The following NAALADL2 variants were observed in gnomAD, a reference collection of about 807,000 sequenced individuals.
NAALADL2 encodes the protein N-acetylated alpha-linked acidic dipeptidase like 2.
NAALADL2 carries 76 observed loss-of-function variants against 87.2 expected under a neutral mutation model. The ratio of observed to expected loss-of-function variants is 0.87; its 90% CI spans 0.72 to 1.05. The LOEUF (loss-of-function observed/expected upper bound fraction) is 1.05, where lower values mean the gene tolerates loss of function less well. NAALADL2 is among the 50% of genes least tolerant of loss of function. The pLI, the probability that NAALADL2 is intolerant of heterozygous loss-of-function variation, is 0.00. For missense variants in NAALADL2, 1,089 were observed against 945.8 expected, an observed-to-expected ratio of 1.15 and a Z score of -1.99; for synonymous variants, 354 against 331.0, an observed-to-expected ratio of 1.07 and a Z score of -0.75.
At chr3:175,699,064 T>G (rs1379631840) in intron 11 of NAALADL2, among the ~76,000 whole-genome samples, 1 of 151,912 alleles carries the variant, frequency 6.6e-6, no homozygotes, top group African/African-American at 2.4e-5. Context: ...TACTTTTCCT[T>G]TACATATTTA....
At chr3:175,290,429 T>C (rs1755511546) in intron 4 of NAALADL2, among the ~76,000 whole-genome samples, 1 of 152,110 alleles carries the variant, frequency 6.6e-6, no homozygotes, top group Non-Finnish European at 1.5e-5. Context: ...AGATCAGTGG[T>C]TTCCTACAAT....
rs531123195 is a variant in NAALADL2, at chr3:175,063,068, G to GT, written c.44-33716dup. ...ATTTTTATAAAATGGAGCTGGCTATGTTTTTTGTTGGTGAAAACAATGTAA... is the reference window on the plus strand; with the variant it reads ...ATTTTTATAAAATGGAGCTGGCTATGTTTTTTTGTTGGTGAAAACAATGTAA... On this transcript the variant is annotated intron_variant, in intron 1 of 13. Coordinates refer to ENST00000454872, the MANE Select transcript of NAALADL2 (RefSeq NM_207015.3). Among the ~76,000 whole-genome samples, 129 of 152,138 alleles carry GT rather than the reference G, an allele frequency of 8.5e-4. 1 individual carries two copies. Among genetic ancestry groups the GT allele is most frequent in the African/African-American group, 2.7e-3 (114 of 41,532 alleles).
At chr3:175,789,204 C>A (rs2108278717) in intron 13 of NAALADL2, among the ~76,000 whole-genome samples, 1 of 152,200 alleles carries the variant, frequency 6.6e-6, no homozygotes, top group Admixed American at 6.5e-5. Flanking sequence ...GCAGTAGGTG[C>A]CTAATAAATA....
chr3:175,258,104 T>G (rs568994101), intron 4 of NAALADL2, among the ~76,000 whole-genome samples: 1 of 151,864 alleles, frequency 6.6e-6, no homozygotes, highest in Non-Finnish European at 1.5e-5. Context: ...GTCAGGAGAT[T>G]GAGACCATCT....
At chr3:175,193,194 G>T (rs764117892) in intron 2 of NAALADL2, among the ~76,000 whole-genome samples, 1 of 151,480 alleles carries the variant, frequency 6.6e-6, no homozygotes, top group Non-Finnish European at 1.5e-5. Context: ...ATAGATTCCA[G>T]ATCTACCACT....
chr3:174,566,308 A>T (rs1714256243), intron 2 of NAALADL2, among the ~76,000 whole-genome samples: 1 of 151,824 alleles, frequency 6.6e-6, no homozygotes, highest in Non-Finnish European at 1.5e-5. Context: ...TTCAGACACA[A>T]TTTTTCAGCA....
At chr3:175,416,474 A>C (rs1714660277) in intron 5 of NAALADL2, among the ~76,000 whole-genome samples, 1 of 152,150 alleles carries the variant, frequency 6.6e-6, no homozygotes, top group African/African-American at 2.4e-5. Context: ...GAAACAGAAC[A>C]GTTTTGTTTT....
chr3:174,998,964 C>T (rs2108753428), intron 1 of NAALADL2, among the ~76,000 whole-genome samples: 1 of 152,204 alleles, frequency 6.6e-6, no homozygotes, highest in East Asian at 1.9e-4. Flanking sequence ...ATCAGAAAAT[C>T]TCATATCTGT....
chr3:175,206,712 A>G (rs1740978391), intron 2 of NAALADL2, among the ~76,000 whole-genome samples: 1 of 152,104 alleles, frequency 6.6e-6, no homozygotes. Context: ...CTGGAAAAAT[A>G]AAAAAGAGCA....
intron 4 of NAALADL2, 47 bp downstream of exon 4, chr3:175,256,577 T>C (rs1749983167): frequency 3.8e-6 from 6 of 1,583,572 alleles, no homozygotes; most frequent in Non-Finnish European, 5.2e-6. Context: ...TATTTTGCCT[T>C]GTTTTGTTGG....
chr3:175,267,994 C>T (rs1752224051), intron 4 of NAALADL2, among the ~76,000 whole-genome samples: 1 of 152,064 alleles, frequency 6.6e-6, no homozygotes, highest in African/African-American at 2.4e-5. Flanking sequence ...GTTTTGTAAC[C>T]ATGGTAAGGA....
intron 1 of NAALADL2, among the ~76,000 whole-genome samples, chr3:174,919,610 C>G (rs1004788306): frequency 6.6e-6 from 1 of 152,208 alleles, no homozygotes; most frequent in Admixed American, 6.5e-5. Flanking sequence ...AGTCCTCAAC[C>G]TCTCAAACTC....
chr3:175,114,198 TAATGCAGGTATAGACAA>T (rs906639060), intron 2 of NAALADL2, among the ~76,000 whole-genome samples: 50 of 151,766 alleles, frequency 3.3e-4, no homozygotes, highest in African/African-American at 1.1e-3. Context: ...ATAATTGTAC[TAATGCAGGTATAGACAA>T]AATGCCCTCT....
intron 1 of NAALADL2, among the ~76,000 whole-genome samples, chr3:174,985,698 A>T (rs888129551): frequency 6.6e-6 from 1 of 152,146 alleles, no homozygotes; most frequent in African/African-American, 2.4e-5. Context: ...CACACCTGTA[A>T]TCCCAACACT....
At chr3:175,566,640 C>A (rs1038034048) in intron 9 of NAALADL2, among the ~76,000 whole-genome samples, 159 of 152,070 alleles carry the variant, frequency 1.0e-3, no homozygotes, top group African/African-American at 3.7e-3. Flanking sequence ...AGTCCATATT[C>A]AAACAAACTT....
intron 5 of NAALADL2, among the ~76,000 whole-genome samples, chr3:175,429,644 A>T (rs1347783980): frequency 6.6e-6 from 1 of 152,052 alleles, no homozygotes; most frequent in African/African-American, 2.4e-5. Context: ...ACCTTCGCAC[A>T]TATGCAAGTT....
rs1477844801 is a variant in NAALADL2, at chr3:175,698,489, A to T, written c.1897-38817A>T. Among the ~76,000 whole-genome samples, 4 of 142,990 alleles carry T rather than the reference A, an allele frequency of 2.8e-5. 1 individual carries two copies. The highest frequency in any genetic ancestry group is 4.5e-5 in the Non-Finnish European group (3 of 66,162). The allele number at this position is 142,990 out of a possible 152,430, so 93.8% of individuals were successfully genotyped here. On this transcript the variant is annotated intron_variant, in intron 11 of 13. Transcript: ENST00000454872. ...TATATGTGTGTATATATATTTATAT[A>T]TATATATATATATAAAATCTCCAAG...
At chr3:174,979,304 CTTT>C (rs5854604) in intron 1 of NAALADL2, among the ~76,000 whole-genome samples, 3 of 105,218 alleles carry the variant, frequency 2.9e-5, no homozygotes, top group Admixed American at 1.2e-4. Context: ...TCTTTCTTTT[CTTT>C]TTTTTTTTTT....
At chr3:174,657,766 C>G (rs533233073) in intron 2 of NAALADL2, among the ~76,000 whole-genome samples, 3 of 152,074 alleles carry the variant, frequency 2.0e-5, no homozygotes, top group Non-Finnish European at 4.4e-5. Context: ...CCTAGAAACC[C>G]TCTATGTTCT....
Sources: gnomAD v4.1 joint callset for allele counts (sites outside exome capture counted in the v4.1 genomes callset) on GRCh38, gnomAD v4.1.1 for gene constraint, MANE v1.5 for transcripts, NCBI Gene and HGNC (gene_info 2026-07-23, HGNC 2026-07-21) for gene names.